The following ENTREP2 variants were observed in gnomAD, a reference collection of about 807,000 sequenced individuals.
The protein encoded by ENTREP2 is protein ENTREP2.
At chr15:29,259,372 T>C in the ENTREP2 span, among the ~76,000 whole-genome samples, 3 of 152,182 alleles carry the variant, frequency 2.0e-5, no homozygotes, top group Non-Finnish European at 2.9e-5. Context: ...AATATTAACA[T>C]AGATTCTAAC....
the ENTREP2 span, among the ~76,000 whole-genome samples, chr15:29,167,239 C>T: frequency 6.6e-5 from 10 of 151,904 alleles, no homozygotes; most frequent in East Asian, 5.8e-4. Flanking sequence ...TCGGAAAAAC[C>T]CTTCTAGGCA....
chr15:29,648,100 C>CATG, the ENTREP2 span, among the ~76,000 whole-genome samples: 1 of 152,246 alleles, frequency 6.6e-6, no homozygotes, highest in African/African-American at 2.4e-5. Context: ...ACATCATCAT[C>CATG]ATTTACCTTA....
At chr15:29,155,377 A>G in the ENTREP2 span, among the ~76,000 whole-genome samples, 1 of 152,050 alleles carries the variant, frequency 6.6e-6, no homozygotes, top group Non-Finnish European at 1.5e-5. Flanking sequence ...GGTAAGGCCT[A>G]TCCGAGTCCC....
chr15:29,188,463 T>C, the ENTREP2 span, among the ~76,000 whole-genome samples: 2 of 152,054 alleles, frequency 1.3e-5, no homozygotes, highest in East Asian at 1.9e-4. Context: ...TCTGTGTCCA[T>C]GTGTTCTCAC....
the ENTREP2 span, among the ~76,000 whole-genome samples, chr15:29,368,337 A>AAATATATAT: frequency 2.8e-4 from 41 of 146,186 alleles, no homozygotes; most frequent in East Asian, 1.0e-3. Context: ...CAAAAAAAAA[A>AAATATATAT]ATATATATAT....
the ENTREP2 span, among the ~76,000 whole-genome samples, chr15:29,434,615 C>T: frequency 2.6e-5 from 4 of 152,274 alleles, no homozygotes; most frequent in East Asian, 7.7e-4. Flanking sequence ...AAGAATCTCA[C>T]TCTCGCAGGT....
chr15:29,143,291 G>A, the ENTREP2 span, among the ~76,000 whole-genome samples: 1 of 152,206 alleles, frequency 6.6e-6, no homozygotes, highest in Admixed American at 6.5e-5. Context: ...GGTTACGGCT[G>A]GAATTTTGAT....
the ENTREP2 span, among the ~76,000 whole-genome samples, chr15:29,132,078 C>T: frequency 6.6e-6 from 1 of 152,158 alleles, no homozygotes; most frequent in African/African-American, 2.4e-5. Flanking sequence ...GAGTCAGCTC[C>T]TCCCCGACAG....
chr15:29,588,913 C>G, the ENTREP2 span, among the ~76,000 whole-genome samples: 1 of 151,414 alleles, frequency 6.6e-6, no homozygotes, highest in East Asian at 1.9e-4. Flanking sequence ...CACTTGAGCC[C>G]TGGGAAGTTG....
the ENTREP2 span, among the ~76,000 whole-genome samples, chr15:29,160,990 G>A: frequency 6.6e-6 from 1 of 152,164 alleles, no homozygotes; most frequent in Non-Finnish European, 1.5e-5. Context: ...AGGGATGGGT[G>A]TTGGGCTTTA....
chr15:29,295,346 C>A, the ENTREP2 span, among the ~76,000 whole-genome samples: 2 of 152,104 alleles, frequency 1.3e-5, no homozygotes, highest in Non-Finnish European at 2.9e-5. Context: ...ACTTGGTGTC[C>A]CCCACCTGGT....
At chr15:29,514,648 T>G in the ENTREP2 span, among the ~76,000 whole-genome samples, 2 of 152,162 alleles carry the variant, frequency 1.3e-5, no homozygotes, top group African/African-American at 2.4e-5. Context: ...GGGGGGAAAT[T>G]CCCACTTTAG....
At chr15:29,415,962 G>A in the ENTREP2 span, among the ~76,000 whole-genome samples, 1 of 152,106 alleles carries the variant, frequency 6.6e-6, no homozygotes, top group South Asian at 2.1e-4. Flanking sequence ...CCTCTTCAAG[G>A]ACAACTACAA....
the ENTREP2 span, among the ~76,000 whole-genome samples, chr15:29,649,056 G>A: frequency 2.4e-5 from 3 of 124,548 alleles, no homozygotes; most frequent in East Asian, 7.4e-4. Flanking sequence ...AGGGACACAT[G>A]TACACACACA....
chr15:29,223,318 G>A, the ENTREP2 span, among the ~76,000 whole-genome samples: 1 of 152,142 alleles, frequency 6.6e-6, no homozygotes, highest in Non-Finnish European at 1.5e-5. Flanking sequence ...TCCTGGTTCT[G>A]GGCTGGAGAG....
chr15:29,472,182 C>A, the ENTREP2 span, among the ~76,000 whole-genome samples: 1 of 152,126 alleles, frequency 6.6e-6, no homozygotes, highest in East Asian at 1.9e-4. Context: ...GATGGTGTTG[C>A]CTTTGTTACC....
the ENTREP2 span, among the ~76,000 whole-genome samples, chr15:29,440,796 C>T: frequency 6.6e-6 from 1 of 152,154 alleles, no homozygotes; most frequent in African/African-American, 2.4e-5. Context: ...CTGGCTCCTC[C>T]AGGGCCCGCT....
the ENTREP2 span, among the ~76,000 whole-genome samples, chr15:29,467,169 C>A: frequency 2.6e-5 from 4 of 152,082 alleles, no homozygotes; most frequent in African/African-American, 9.7e-5. Flanking sequence ...GGGAGGGAAT[C>A]CAGCCTGGGT....
chr15:29,183,992 T>C, the ENTREP2 span, among the ~76,000 whole-genome samples: 1 of 152,218 alleles, frequency 6.6e-6, no homozygotes, highest in Non-Finnish European at 1.5e-5. Flanking sequence ...TAGTAACTTT[T>C]TTTTTTGAGA....
Sources: gnomAD v4.1 joint callset for allele counts (sites outside exome capture counted in the v4.1 genomes callset) on GRCh38, gnomAD v4.1.1 for gene constraint, MANE v1.5 for transcripts, NCBI Gene and HGNC (gene_info 2026-07-23, HGNC 2026-07-21) for gene names.